The following CNTN5 variants were observed in gnomAD, a reference collection of about 807,000 sequenced individuals.
CNTN5 encodes the protein contactin 5, also known as contactin-5.
Under a neutral mutation model 129.1 loss-of-function variants are expected in CNTN5, and 77 were observed. The observed-to-expected ratio is 0.60, with a 90% CI of 0.50 to 0.72. The LOEUF (loss-of-function observed/expected upper bound fraction) is 0.72. Among genes scored for constraint, CNTN5 ranks in the 30% least tolerant of loss-of-function variants. The pLI, the probability that CNTN5 is intolerant of heterozygous loss-of-function variation, is 0.00. For missense variants in CNTN5, 1,478 were observed against 1,328.8 expected, an observed-to-expected ratio of 1.11 and a Z score of -1.75; for synonymous variants, 509 against 465.6, an observed-to-expected ratio of 1.09 and a Z score of -1.20.
chr11:99,556,156 A>G lies in CNTN5; in HGVS notation c.-59A>G. The G allele has an allele frequency of 4.0e-6, 4 of 1,000,082 alleles. No individual in the cohort carries two copies. The highest frequency in any genetic ancestry group is 4.0e-5 in the South Asian group (2 of 49,956). The allele number at this position is 1,000,082 out of a possible 1,614,324, so 62.0% of individuals were successfully genotyped here. On this transcript the variant is annotated 5_prime_UTR_variant, in exon 3 of 25. It removes an upstream start codon present in the reference 5' UTR. Coordinates refer to ENST00000524871, the MANE Select transcript of CNTN5 (RefSeq NM_014361.4). ...TCTATCTCAAACAGGGCACTCTTTA[A>G]TGAAGAAACACCAGAGCTGTTAAAC...
intron 6 of CNTN5, among the ~76,000 whole-genome samples, chr11:99,845,695 T>C (rs1947670503): frequency 6.6e-6 from 1 of 152,306 alleles, no homozygotes; most frequent in Admixed American, 6.5e-5. Context: ...TTTGAAATTT[T>C]CTAAAAGATT....
At chr11:100,168,848 A>G (rs945759949) in intron 13 of CNTN5, among the ~76,000 whole-genome samples, 12 of 151,942 alleles carry the variant, frequency 7.9e-5, no homozygotes, top group African/African-American at 2.9e-4. Flanking sequence ...ACCATTGTAG[A>G]TGCCATTAAG....
chr11:99,846,598 G>A lies in CNTN5; in HGVS notation c.577+1336G>A, dbSNP rs1024005455. 2.0e-5 allele frequency among the ~76,000 whole-genome samples: 3 copies of A among 151,932 alleles called. 1 individual carries two copies. The South Asian group carries it at 6.2e-4, about 31-fold the overall frequency. Reference sequence around the variant, plus strand: ...GAATCTTTATATTAATAATTAAAGTGTAATTGTAGTGGCTACATAAGAGAT... The same window carrying A: ...GAATCTTTATATTAATAATTAAAGTATAATTGTAGTGGCTACATAAGAGAT... On this transcript the variant is annotated intron_variant, in intron 6 of 24. Transcript: ENST00000524871.
intron 1 of CNTN5, among the ~76,000 whole-genome samples, chr11:99,134,979 ATC>A (rs1565345558): frequency 2.0e-5 from 3 of 152,204 alleles, no homozygotes; most frequent in African/African-American, 7.2e-5. Context: ...GACTTTTGTC[ATC>A]TCTTTTTTAT....
intron 13 of CNTN5, among the ~76,000 whole-genome samples, chr11:100,173,017 G>A (rs1240090932): frequency 6.6e-6 from 1 of 151,976 alleles, no homozygotes; most frequent in African/African-American, 2.4e-5. Context: ...AATAAGGTAG[G>A]GGAGGTCAGA....
chr11:100,005,196 A>G (rs1194806368), intron 9 of CNTN5, among the ~76,000 whole-genome samples: 2 of 152,190 alleles, frequency 1.3e-5, no homozygotes, highest in Non-Finnish European at 2.9e-5. Context: ...TATTCCATCT[A>G]CTTAATCCAA....
At chr11:100,178,515 T>C (rs1948037546) in intron 13 of CNTN5, among the ~76,000 whole-genome samples, 1 of 152,194 alleles carries the variant, frequency 6.6e-6, no homozygotes, top group African/African-American at 2.4e-5. Flanking sequence ...AACAATTAAA[T>C]TGTTAGGACT....
intron 1 of CNTN5, among the ~76,000 whole-genome samples, chr11:99,117,378 C>T (rs207472244): frequency 1.3e-5 from 2 of 152,102 alleles, no homozygotes; most frequent in African/African-American, 2.4e-5. Context: ...GACTGTCCTA[C>T]CCAAGGATGA....
intron 1 of CNTN5, among the ~76,000 whole-genome samples, chr11:99,290,577 G>GAGC (rs1282386571): frequency 2.6e-5 from 4 of 151,894 alleles, no homozygotes; most frequent in African/African-American, 4.8e-5. Flanking sequence ...TCCTTTGTTA[G>GAGC]AGCTGAAGAT....
chr11:99,417,472 G>A (rs2036545), intron 2 of CNTN5, among the ~76,000 whole-genome samples: 25,835 of 152,048 alleles, frequency 0.17, 2,253 homozygotes, highest in East Asian at 0.22. Context: ...TGAATGTTAA[G>A]TTTTTGCTAG....
chr11:99,996,855 C>A (rs1809044617), intron 8 of CNTN5, among the ~76,000 whole-genome samples: 1 of 152,040 alleles, frequency 6.6e-6, no homozygotes, highest in Non-Finnish European at 1.5e-5. Context: ...CATGAGAACT[C>A]CCTCACTATC....
rs1228605425 is a variant in CNTN5, at chr11:99,238,320, TG to T, written c.-209-87022del. Among the ~76,000 whole-genome samples, 20 of 152,268 alleles carry T rather than the reference TG, an allele frequency of 1.3e-4. No homozygotes were observed. The South Asian group carries it at 4.1e-3, about 32-fold the overall frequency. On this transcript the variant is annotated intron_variant, in intron 1 of 24. Coordinates refer to ENST00000524871, the MANE Select transcript of CNTN5 (RefSeq NM_014361.4). ...AAGTGATTGGTTTATATAAAAAACA[TG>T]GGGCGTTTGACCTTGATTTTTAAAT...
At chr11:99,129,524 G>C (rs1226792228) in intron 1 of CNTN5, among the ~76,000 whole-genome samples, 2 of 152,184 alleles carry the variant, frequency 1.3e-5, no homozygotes, top group African/African-American at 4.8e-5. Flanking sequence ...ATGGAAGCAA[G>C]TTGGAAAAGA....
intron 13 of CNTN5, among the ~76,000 whole-genome samples, chr11:100,097,810 C>T (rs1435935850): frequency 1.3e-5 from 2 of 152,010 alleles, no homozygotes; most frequent in East Asian, 3.9e-4. Flanking sequence ...AACAGCTATT[C>T]ATTTTTCATG....
chr11:99,044,681 T>C (rs75600880), intron 1 of CNTN5, among the ~76,000 whole-genome samples: 2,252 of 152,268 alleles, frequency 0.015, 52 homozygotes, highest in African/African-American at 0.05. Flanking sequence ...ATAATTCTCG[T>C]TGGCTGTCAA....
intron 16 of CNTN5, among the ~76,000 whole-genome samples, chr11:100,229,950 C>T (rs540128269): frequency 8.5e-5 from 13 of 152,116 alleles, no homozygotes; most frequent in Admixed American, 3.9e-4. Flanking sequence ...ATGATTTGAA[C>T]GCAAGAGAGT....
At chr11:99,262,307 T>A (rs1244012636) in intron 1 of CNTN5, among the ~76,000 whole-genome samples, 1 of 152,086 alleles carries the variant, frequency 6.6e-6, no homozygotes, top group Non-Finnish European at 1.5e-5. Context: ...TTGACACCCT[T>A]AAAACAGTAC....
At chr11:99,789,339 T>C (rs1426768682) in intron 3 of CNTN5, among the ~76,000 whole-genome samples, 1 of 151,988 alleles carries the variant, frequency 6.6e-6, no homozygotes, top group Non-Finnish European at 1.5e-5. Flanking sequence ...ATTAAGTAAC[T>C]TCTCTAATGT....
At chr11:100,303,155 T>C (rs531779226) in intron 20 of CNTN5, among the ~76,000 whole-genome samples, 1 of 151,684 alleles carries the variant, frequency 6.6e-6, no homozygotes, top group African/African-American at 2.4e-5. Flanking sequence ...GATATCCATG[T>C]ACCCTGTACA....
Sources: allele counts gnomAD v4.1 joint callset (sites outside exome capture counted in the v4.1 genomes callset), GRCh38; gene constraint gnomAD v4.1.1; transcripts MANE v1.5; gene names NCBI Gene and HGNC (gene_info 2026-07-23, HGNC 2026-07-21).